FAT1: variants seen among roughly 807,000 people sequenced by gnomAD.
FAT1 encodes the protein FAT atypical cadherin 1, also known as protocadherin Fat 1.
Under a neutral mutation model 329.8 loss-of-function variants are expected in FAT1, and 171 were observed. The observed-to-expected ratio is 0.52, with a 90% CI of 0.46 to 0.59. The LOEUF is 0.59. FAT1 is among the 20% of genes least tolerant of loss of function. The pLI is 0.00. For missense variants in FAT1, 5,672 were observed against 5,774.4 expected (o/e 0.98, Z 0.57); for synonymous variants, 2,233 against 2,228.6 (o/e 1.00, Z -0.06).
chr4:186,709,770 C>T lies in FAT1; in HGVS notation c.58G>A (p.Asp20Asn), dbSNP rs2126706605. ...LLLLLFQHFG[D>N]SDGSQRLEQT... The stretch of plus-strand genomic sequence containing the variant: ...TCAAGTCGTTGGCTGCCATCACTGT[C>T]TCCAAAATGTTGGAAGAGAAGGAGC... Residue 20 changes from aspartate (D) to asparagine (N), a missense_variant, in exon 2 of 27, where the codon GAC becomes AAC. Asp to Asn is a conservative substitution (Grantham distance 23). Coordinates refer to ENST00000441802, the MANE Select transcript of FAT1 (RefSeq NM_005245.4). The T allele has an allele frequency of 6.2e-7, 1 of 1,612,664 alleles. No homozygotes were observed. Among genetic ancestry groups the T allele is most frequent in the Middle Eastern group, 1.6e-4 (1 of 6,062 alleles).
At chr4:186,605,676 G>C (rs1354124906) in intron 17 of FAT1, among the ~76,000 whole-genome samples, 3 of 150,860 alleles carry the variant, frequency 2.0e-5, no homozygotes, top group African/African-American at 7.3e-5. Context: ...GAGGAGTAGG[G>C]AGGAAGAAGA....
intron 3 of FAT1, among the ~76,000 whole-genome samples, chr4:186,658,200 T>A (rs1453500906): frequency 1.3e-5 from 2 of 152,218 alleles, no homozygotes; most frequent in Non-Finnish European, 2.9e-5. Context: ...GATGCGGTCT[T>A]TCACTTGTAT....
Position 186,709,541 on chromosome 4 carries a change from A to G in FAT1, c.287T>C (p.Leu96Pro), listed in dbSNP as rs2126704967. Residue 96 changes from leucine to proline, a missense_variant, in exon 2 of 27, where the codon CTA (leucine) becomes CCA (proline). Transcript: ENST00000441802. ...ATTTCCTCCTTTGGTCCTTATTCTT[A>G]GAAAGCAAAAGTCTCCGAGAATGTA... is the stretch of plus-strand genomic sequence containing the variant. Reference protein sequence around the residue: ...EEYILGDFCFLRIRTKGGNTA... With the variant: ...EEYILGDFCFPRIRTKGGNTA... 1 of 1,614,016 alleles carries G rather than the reference A, an allele frequency of 6.2e-7. No individual in the cohort carries two copies. Among genetic ancestry groups the G allele is most frequent in the Non-Finnish European group, 8.5e-7 (1 of 1,179,898 alleles).
chr4:186,630,631 G>A (rs2126549324), intron 7 of FAT1, among the ~76,000 whole-genome samples: 1 of 152,266 alleles, frequency 6.6e-6, no homozygotes, highest in South Asian at 2.1e-4. Context: ...CTTACTGGGT[G>A]ACAGGCTCTC....
At chr4:186,679,135 C>T (rs1743079760) in intron 2 of FAT1, among the ~76,000 whole-genome samples, 2 of 152,094 alleles carry the variant, frequency 1.3e-5, no homozygotes, top group African/African-American at 4.8e-5. Flanking sequence ...AATCCCAGCA[C>T]TATGGGAGGC....
intron 3 of FAT1, among the ~76,000 whole-genome samples, chr4:186,644,657 A>G (rs183900540): frequency 1.2e-4 from 17 of 140,402 alleles, no homozygotes; most frequent in Admixed American, 1.1e-3. Context: ...TAGAACAGAG[A>G]GAATGTCAGA....
At chr4:186,665,705 AT>A (rs557061040) in intron 2 of FAT1, among the ~76,000 whole-genome samples, 1 of 152,046 alleles carries the variant, frequency 6.6e-6, no homozygotes, top group African/African-American at 2.4e-5. Flanking sequence ...ATTAGATCCC[AT>A]TTGTCAATTT....
At chr4:186,699,684 T>A in intron 2 of FAT1, among the ~76,000 whole-genome samples, 1 of 139,070 alleles carries the variant, frequency 7.2e-6, no homozygotes. Flanking sequence ...AGCAGCATGG[T>A]CTGCTGTTTG....
rs1310541095 is a variant in FAT1 at position 186,588,228 on chromosome 4, T to C, written c.*364A>G. The C allele has an allele frequency of 8.0e-6, 2 of 249,408 alleles. No homozygotes were observed. Among genetic ancestry groups the C allele is most frequent in the Non-Finnish European group, 1.6e-5 (2 of 128,650 alleles). 15.4% of individuals were successfully genotyped at this position (249,408 alleles called of 1,614,324 possible). ...TATCTTGGAAATCTAGTTAAAACTA[T>C]GAAAAATCAAATCTGTACATAAAAT... On this transcript the variant is annotated 3_prime_UTR_variant, in exon 27 of 27. Transcript: ENST00000441802.
Position 186,709,750 on chromosome 4 carries a change from T to C in FAT1, c.78A>G (p.Arg26=), listed in dbSNP as rs1744862108. ...QHFGDSDGSQ[R]LEQTPLQFTH... Reference sequence around the variant, plus strand: ...TAAACTGCAGAGGAGTCTGTTCAAGTCGTTGGCTGCCATCACTGTCTCCAA... The same window carrying C: ...TAAACTGCAGAGGAGTCTGTTCAAGCCGTTGGCTGCCATCACTGTCTCCAA... The change falls in exon 2 of 27, where the codon CGA becomes CGG. Residue 26 remains arginine, a synonymous_variant. Transcript: ENST00000441802. The C allele has an allele frequency of 6.2e-7, 1 of 1,613,540 alleles. No homozygotes were observed. The highest frequency in any genetic ancestry group is 8.5e-7 in the Non-Finnish European group (1 of 1,179,690).
chr4:186,646,583 A>G (rs1741395476), intron 3 of FAT1, among the ~76,000 whole-genome samples: 1 of 152,162 alleles, frequency 6.6e-6, no homozygotes, highest in Non-Finnish European at 1.5e-5. Flanking sequence ...CCTTTATAGC[A>G]TCTCCAATTT....
Position 186,705,531 on chromosome 4 carries a change from GA to G in FAT1, c.3265+1031del, listed in dbSNP as rs1166900226. On this transcript the variant is annotated intron_variant, in intron 2 of 26. Coordinates refer to ENST00000441802, the MANE Select transcript of FAT1 (RefSeq NM_005245.4). ...TTCCACTATCATTCTCAGAGGGCAG[GA>G]CATGAAAAGCCAACACATTCGCTCA... is the stretch of plus-strand genomic sequence containing the variant. Among the ~76,000 whole-genome samples the G allele has an allele frequency of 2.0e-5, 3 of 152,160 alleles. No homozygotes were observed. In the East Asian group the frequency reaches 5.8e-4, roughly 29 times the overall value.
chr4:186,643,073 A>G (rs1193586413), intron 3 of FAT1, among the ~76,000 whole-genome samples: 3 of 152,242 alleles, frequency 2.0e-5, no homozygotes, highest in African/African-American at 7.2e-5. Flanking sequence ...AGTCACCACT[A>G]GCCTCCTGAG....
intron 2 of FAT1, among the ~76,000 whole-genome samples, chr4:186,676,278 GA>G (rs11331148): frequency 0.22 from 28,149 of 125,336 alleles, 3,239 homozygotes; most frequent in African/African-American, 0.36. Context: ...TTCATTTTGT[GA>G]AAAAAAAAAA....
At chr4:186,704,016 T>C (rs554718152) in intron 2 of FAT1, among the ~76,000 whole-genome samples, 1 of 152,384 alleles carries the variant, frequency 6.6e-6, no homozygotes, top group Non-Finnish European at 1.5e-5. Flanking sequence ...AAAATGTATC[T>C]TGTAATGAAT....
intron 1 of FAT1, among the ~76,000 whole-genome samples, chr4:186,714,217 G>T (rs922355556): frequency 2.6e-5 from 4 of 152,064 alleles, no homozygotes; most frequent in African/African-American, 9.7e-5. Context: ...GTGTGGGCTG[G>T]GGCACAACGG....
chr4:186,670,369 A>G (rs976952877), intron 2 of FAT1, among the ~76,000 whole-genome samples: 2 of 152,216 alleles, frequency 1.3e-5, no homozygotes, highest in Non-Finnish European at 2.9e-5. Context: ...AATTTTAACG[A>G]TATTTTCCCT....
rs758935190 is a variant in FAT1 at position 186,613,059 on chromosome 4, T to C, written c.9463+50A>G. 7 of 1,304,736 alleles carry C rather than the reference T, an allele frequency of 5.4e-6. No homozygotes were observed. In the South Asian group the frequency reaches 8.6e-5, roughly 16 times the overall value. 80.8% of individuals were successfully genotyped at this position (1,304,736 alleles called of 1,614,324 possible). ...CTGGGGTGTGTTTTGAAACAGAGGC[T>C]CCTAGGATCTCAGTGAGCAGCGTCA... On this transcript the variant is annotated intron_variant, in intron 13 of 26. Coordinates refer to ENST00000441802, the MANE Select transcript of FAT1 (RefSeq NM_005245.4).
At position 186,600,003 on chromosome 4, in the gene FAT1, C is replaced by G. The variant is rs373469759; in HGVS notation, c.11998G>C (p.Glu4000Gln). ...CCTGGAGATACATCCACCGACTCTT[C>G]GATGTGTGCATAGCTTCTGGGTTTG... Reference protein sequence around the residue: ...NSKPRSYAHIEESVDVSPGCF... With the variant: ...NSKPRSYAHIQESVDVSPGCF... Residue 4000 changes from glutamate (E) to glutamine (Q), a missense_variant, in exon 22 of 27, where the codon GAA (glutamate) becomes CAA (glutamine). By Grantham distance (29) the Glu-to-Gln change is conservative (BLOSUM62 2). This residue lies in a region of FAT1 where 1,706 missense variants were observed against 1,859.1 expected (regional missense o/e 0.92). Coordinates refer to ENST00000441802, the MANE Select transcript of FAT1 (RefSeq NM_005245.4). 6.2e-7 allele frequency: 1 copy of G among 1,613,878 alleles called. No individual in the cohort carries two copies. The highest frequency in any genetic ancestry group is 8.5e-7 in the Non-Finnish European group (1 of 1,179,892).
Sources: gnomAD v4.1 joint callset for allele counts (sites outside exome capture counted in the v4.1 genomes callset) on GRCh38, gnomAD v4.1.1 for gene constraint, gnomAD v4.1.1 regional missense constraint, MANE v1.5 for transcripts, NCBI Gene and HGNC (gene_info 2026-07-23, HGNC 2026-07-21) for gene names.